The following ZCCHC9 variants were observed in gnomAD, a reference collection of about 807,000 sequenced individuals.
ZCCHC9 encodes zinc finger CCHC-type containing 9, also known as zinc finger CCHC domain-containing protein 9.
In ZCCHC9, 18 loss-of-function variants were observed where a neutral mutation model predicts 30.8. The ratio of observed to expected loss-of-function variants is 0.58; its 90% CI spans 0.40 to 0.87. The LOEUF is 0.87. ZCCHC9 is among the 40% of genes least tolerant of loss of function. ZCCHC9 has a pLI of 0.00. For missense variants in ZCCHC9, 279 were observed against 331.2 expected, an observed-to-expected ratio of 0.84 and a Z score of 1.22; for synonymous variants, 94 against 106.7, an observed-to-expected ratio of 0.88 and a Z score of 0.73.
At chr5:81,308,504 TTA>T in intron 2 of ZCCHC9, 55 bp from the exon 3 acceptor site, 1 of 1,474,648 alleles carries the variant, frequency 6.8e-7, no homozygotes, top group Non-Finnish European at 9.0e-7. Context: ...ATAACAAGAA[TTA>T]ATAAAGTCAC....
intron 1 of ZCCHC9, 133 bp from the exon 2 acceptor site, chr5:81,304,608 T>A: frequency 1.5e-6 from 1 of 688,344 alleles, no homozygotes; most frequent in East Asian, 2.9e-5. Context: ...CTAACTGAAA[T>A]AAAAAGTGTT....
At chr5:81,307,607 C>G (rs1758115561) in intron 2 of ZCCHC9, among the ~76,000 whole-genome samples, 1 of 151,324 alleles carries the variant, frequency 6.6e-6, no homozygotes, top group African/African-American at 2.4e-5. Context: ...GAGCCGAGAT[C>G]ACGCCACTGC....
At position 81,311,227 on chromosome 5, in the gene ZCCHC9, T is replaced by A. The variant is rs570188926; in HGVS notation, c.645T>A (p.Leu215=). 2 of 1,614,080 alleles carry A rather than the reference T, an allele frequency of 1.2e-6. No homozygotes were observed. Among genetic ancestry groups the A allele is most frequent in the Non-Finnish European group, 1.7e-6 (2 of 1,179,960 alleles). ...GLYADGGGCK[L]CGSVEHLKKD... is the part of the protein sequence containing the mutation. ...TTTCAATAGGTGGCGGTTGCAAACT[T>A]TGTGGCTCTGTGGAACATTTAAAGA... The change falls in exon 5 of 6, where the codon CTT becomes CTA. Residue 215 remains leucine (L), a synonymous_variant. Transcript: ENST00000407610.
chr5:81,303,630 G>T, intron 1 of ZCCHC9: 1 of 154,216 alleles, frequency 6.5e-6, no homozygotes, highest in Non-Finnish European at 1.4e-5. Context: ...TAATTGTCTA[G>T]TATTATGTAC....
At chr5:81,310,175 A>G (rs1369725069) in intron 4 of ZCCHC9, among the ~76,000 whole-genome samples, 1 of 151,574 alleles carries the variant, frequency 6.6e-6, no homozygotes, top group East Asian at 1.9e-4. Flanking sequence ...AAAAAAAAAA[A>G]AAAAATTAAT....
At chr5:81,307,764 A>C (rs1461891910) in intron 2 of ZCCHC9, among the ~76,000 whole-genome samples, 1 of 152,044 alleles carries the variant, frequency 6.6e-6, no homozygotes, top group Non-Finnish European at 1.5e-5. Context: ...TGGGAGGCCG[A>C]GGCGGGTGGA....
chr5:81,310,820 T>A lies in ZCCHC9; in HGVS notation c.629-391T>A, dbSNP rs1045276697. The stretch of plus-strand genomic sequence containing the variant: ...TTTTGGGCCATTGACTGTTTGAGAA[T>A]CTGACATGCTATTCAGGAAAGTGCA... On this transcript the variant is annotated intron_variant, in intron 4 of 5. Transcript: ENST00000407610. Among the ~76,000 whole-genome samples the A allele has an allele frequency of 4.6e-5, 7 of 152,342 alleles. No individual in the cohort carries two copies. The South Asian group carries it at 1.4e-3, about 32-fold the overall frequency.
chr5:81,304,688 T>C, intron 1 of ZCCHC9, 53 bp from the exon 2 acceptor site: 1 of 1,486,576 alleles, frequency 6.7e-7, no homozygotes, highest in African/African-American at 1.4e-5. Flanking sequence ...TTTAGTTTTG[T>C]TGTTTTTGTT....
intron 2 of ZCCHC9, 115 bp downstream of exon 2, chr5:81,305,256 G>T: frequency 7.2e-7 from 1 of 1,398,592 alleles, no homozygotes; most frequent in South Asian, 1.5e-5. Flanking sequence ...CAGATTTATA[G>T]AGCATCGTTT....
intron 2 of ZCCHC9, among the ~76,000 whole-genome samples, chr5:81,307,333 T>G (rs77877432): frequency 0.014 from 2,176 of 152,330 alleles, 46 homozygotes; most frequent in African/African-American, 0.049. Flanking sequence ...GTATTGTGCA[T>G]ATATTCTAAA....
chr5:81,302,334 T>A (rs1436211721), intron 1 of ZCCHC9: 1 of 152,108 alleles, frequency 6.6e-6, no homozygotes, highest in Non-Finnish European at 1.5e-5. Flanking sequence ...TAGCTGGGCG[T>A]GGTGGCACGC....
Position 81,304,951 on chromosome 5 carries a change from AAG to A in ZCCHC9, c.197_198del (p.Glu66ValfsTer4). On this transcript the variant is annotated frameshift_variant, in exon 2 of 6. Coordinates refer to ENST00000407610, the MANE Select transcript of ZCCHC9 (RefSeq NM_001131035.2). LOFTEE classifies it high-confidence loss of function. The stretch of plus-strand genomic sequence containing the variant: ...AAACATAAAAAGAACAAAAAGAAAA[AAG>A]AGTACTTAAATGAAGATGTGAATGG... 3.7e-6 allele frequency: 6 copies of A among 1,613,846 alleles called. No individual in the cohort carries two copies. Among genetic ancestry groups the A allele is most frequent in the Non-Finnish European group, 4.2e-6 (5 of 1,179,978 alleles).
chr5:81,311,391 T>G, intron 5 of ZCCHC9, 112 bp downstream of exon 5: 1 of 1,100,194 alleles, frequency 9.1e-7, no homozygotes, highest in Non-Finnish European at 1.4e-6. Context: ...TAAGACAACC[T>G]GTTTTCCTAC....
At position 81,312,672 on chromosome 5, in the gene ZCCHC9, G is replaced by A; in HGVS notation, c.*10G>A. 10 of 1,584,180 alleles carry A rather than the reference G, an allele frequency of 6.3e-6. No homozygotes were observed. The highest frequency in any genetic ancestry group is 8.7e-6 in the Non-Finnish European group (10 of 1,153,412). Reference sequence around the variant, plus strand: ...AGTTGTTAATTTTTGATAACAGCTAGCACTATCATGAGTTACTACCTCATT... The same window carrying A: ...AGTTGTTAATTTTTGATAACAGCTAACACTATCATGAGTTACTACCTCATT... On this transcript the variant is annotated 3_prime_UTR_variant, in exon 6 of 6. Coordinates refer to ENST00000407610, the MANE Select transcript of ZCCHC9 (RefSeq NM_001131035.2).
chr5:81,309,233 T>A, intron 4 of ZCCHC9, 195 bp downstream of exon 4: 1 of 450,514 alleles, frequency 2.2e-6, no homozygotes, highest in African/African-American at 2.0e-5. Context: ...ATAAAACAAA[T>A]CAGAAAAAAC....
At chr5:81,311,360 C>A in intron 5 of ZCCHC9, 81 bp downstream of exon 5, 1 of 1,372,128 alleles carries the variant, frequency 7.3e-7, no homozygotes, top group Non-Finnish European at 1.0e-6. Context: ...ATTAATAACT[C>A]AATTGGGATA....
At chr5:81,305,594 C>T (rs959296331) in intron 2 of ZCCHC9, among the ~76,000 whole-genome samples, 2 of 81,250 alleles carry the variant, frequency 2.5e-5, no homozygotes, top group African/African-American at 1.1e-4. Context: ...GCCATGTCTA[C>T]CAAAAAAAAA....
intron 2 of ZCCHC9, among the ~76,000 whole-genome samples, chr5:81,306,135 CTAAG>C (rs1295814421): frequency 1.3e-5 from 2 of 152,198 alleles, no homozygotes; most frequent in Non-Finnish European, 2.9e-5. Flanking sequence ...TTTCCCTTCT[CTAAG>C]TGAGTTTCCC....
At chr5:81,312,026 A>G (rs910834788) in intron 5 of ZCCHC9, among the ~76,000 whole-genome samples, 6 of 152,166 alleles carry the variant, frequency 3.9e-5, no homozygotes, top group African/African-American at 1.4e-4. Context: ...TAAATTTGAA[A>G]ACCAAGAGTT....
Sources: gnomAD v4.1 joint callset for allele counts (sites outside exome capture counted in the v4.1 genomes callset) on GRCh38, gnomAD v4.1.1 for gene constraint, MANE v1.5 for transcripts, NCBI Gene and HGNC (gene_info 2026-07-23, HGNC 2026-07-21) for gene names.